The following GARNL3 variants were observed in gnomAD, a reference collection of about 807,000 sequenced individuals.
GARNL3 encodes GTPase-activating Rap/Ran-GAP domain-like protein 3.
Under a neutral mutation model 125.0 loss-of-function variants are expected in GARNL3, and 63 were observed. The ratio of observed to expected loss-of-function variants is 0.50; its 90% CI spans 0.41 to 0.62. The LOEUF is 0.62. Among genes scored for constraint, GARNL3 ranks in the 20% least tolerant of loss-of-function variants. The pLI is 0.00. For synonymous variants in GARNL3, 439 were observed against 457.5 expected, an observed-to-expected ratio of 0.96 and a Z score of 0.52; for missense variants, 994 against 1,244.0, an observed-to-expected ratio of 0.80 and a Z score of 3.02.
At chr9:127,355,048 C>T (rs1830614159) in intron 19 of GARNL3, among the ~76,000 whole-genome samples, 1 of 152,224 alleles carries the variant, frequency 6.6e-6, no homozygotes, top group African/African-American at 2.4e-5. Context: ...CCGCCTCGGC[C>T]TCTCTAAGTG....
chr9:127,269,466 T>G (rs527404599), intron 1 of GARNL3, among the ~76,000 whole-genome samples: 7 of 152,382 alleles, frequency 4.6e-5, no homozygotes, highest in African/African-American at 1.4e-4. Flanking sequence ...AAGGTGATTC[T>G]GTTTTTAGCT....
chr9:127,357,177 CT>C, intron 20 of GARNL3, 41 bp from the exon 21 acceptor site: 1 of 1,605,732 alleles, frequency 6.2e-7, no homozygotes, highest in Non-Finnish European at 8.5e-7. Flanking sequence ...GCTGGCTGCT[CT>C]GTTCTCACCC....
chr9:127,354,251 C>T (rs755950116), intron 18 of GARNL3, 43 bp from the exon 19 acceptor site: 2 of 1,507,702 alleles, frequency 1.3e-6, no homozygotes, highest in South Asian at 1.1e-5. Flanking sequence ...GGTTACCTTA[C>T]TTTTCCATTT....
intron 1 of GARNL3, among the ~76,000 whole-genome samples, chr9:127,278,229 T>TTAGTACACTATTTAGTAC (rs2064008788): frequency 2.0e-5 from 3 of 152,236 alleles, no homozygotes; most frequent in Admixed American, 2.0e-4. Flanking sequence ...TAATCACTAT[T>TTAGTACACTATTTAGTAC]ACGATTTAGT....
intron 18 of GARNL3, 39 bp downstream of exon 18, chr9:127,353,983 A>T: frequency 7.3e-7 from 1 of 1,365,268 alleles, no homozygotes. Flanking sequence ...TGGAGGAAGG[A>T]AAACAGTTGC....
intron 16 of GARNL3, among the ~76,000 whole-genome samples, chr9:127,346,440 T>G (rs1830143651): frequency 6.6e-6 from 1 of 152,158 alleles, no homozygotes; most frequent in African/African-American, 2.4e-5. Context: ...ACAACCAACT[T>G]CAGACAAGAC....
At chr9:127,300,805 T>C (rs1239759449) in intron 2 of GARNL3, 1 of 384,200 alleles carries the variant, frequency 2.6e-6, no homozygotes, top group Non-Finnish European at 5.0e-6. Flanking sequence ...TTTGGAAAAT[T>C]CTTCTCTAAC....
intron 24 of GARNL3, 58 bp from the exon 25 acceptor site, chr9:127,387,135 A>G (rs1564202649): frequency 1.3e-6 from 2 of 1,553,186 alleles, no homozygotes; most frequent in Admixed American, 1.8e-5. Flanking sequence ...CAGGAGGGCC[A>G]GTGGATGCAA....
intron 12 of GARNL3, 26 bp downstream of exon 12, chr9:127,338,187 C>T (rs759881411): frequency 7.1e-5 from 111 of 1,553,656 alleles, no homozygotes; most frequent in Non-Finnish European, 9.2e-5. Context: ...GTCTCGATTG[C>T]TTGTCCTAAT....
intron 2 of GARNL3, chr9:127,300,144 GT>G: frequency 3.1e-6 from 1 of 323,258 alleles, no homozygotes; most frequent in Non-Finnish European, 6.2e-6. Flanking sequence ...CCTCTGGCCA[GT>G]TTTCCTGAAT....
intron 17 of GARNL3, among the ~76,000 whole-genome samples, chr9:127,349,419 A>G (rs1253558548): frequency 6.6e-6 from 1 of 152,230 alleles, no homozygotes; most frequent in Non-Finnish European, 1.5e-5. Context: ...TCTTAAAAAA[A>G]AAAAAAAGAT....
chr9:127,245,866 T>C (rs2063293047), intron 2 of GARNL3, among the ~76,000 whole-genome samples: 1 of 152,044 alleles, frequency 6.6e-6, no homozygotes, highest in Admixed American at 6.6e-5. Context: ...GTCTGTCTGG[T>C]CCAGTGCCCA....
rs769891379 is a variant in GARNL3 at position 127,383,458 on chromosome 9, G to A, written c.2182G>A (p.Val728Ile). The A allele has an allele frequency of 3.1e-6, 5 of 1,612,362 alleles. No homozygotes were observed. The highest frequency in any genetic ancestry group is 1.7e-6 in the Non-Finnish European group (2 of 1,179,104). ...TGCAGACAGTTGCATCTATAAAAAG[G>A]TTTGCCCCTTTAATGGTGGCTCTTT... ...CYNYSCIYKK[V>I]CPFNGGSFLV... The change falls in exon 23 of 28, where the codon GTT becomes ATT. Residue 728 changes from valine (V) to isoleucine (I), a missense_variant. Physicochemically the swap from Val to Ile is conservative, Grantham distance 29 (BLOSUM62 3). Coordinates refer to ENST00000373387, the MANE Select transcript of GARNL3 (RefSeq NM_032293.5).
At chr9:127,286,498 TTC>T (rs2064252097) in intron 1 of GARNL3, among the ~76,000 whole-genome samples, 1 of 152,218 alleles carries the variant, frequency 6.6e-6, no homozygotes, top group African/African-American at 2.4e-5. Flanking sequence ...CCCAGATATG[TTC>T]TCTGTTTTTC....
In GARNL3 at chr9:127,295,811, A is replaced by G. The variant is rs373732539; in HGVS notation, c.219+4569A>G. On this transcript the variant is annotated intron_variant, in intron 2 of 27. Coordinates refer to ENST00000373387, the MANE Select transcript of GARNL3 (RefSeq NM_032293.5). ...CCAGGGACCAGTTTTGTGGAAGACA[A>G]GTTTTTCCACGGACCAGGCAGTGGG... 2.6e-5 allele frequency among the ~76,000 whole-genome samples: 4 copies of G among 152,114 alleles called. No homozygotes were observed. The East Asian group carries it at 7.7e-4, about 29-fold the overall frequency.
chr9:127,241,234 T>C (rs2063198044), intron 1 of GARNL3, among the ~76,000 whole-genome samples: 2 of 152,234 alleles, frequency 1.3e-5, no homozygotes, highest in South Asian at 4.1e-4. Context: ...TTGAGAGCAC[T>C]GCTTAATAAA....
At chr9:127,376,443 C>T (rs997250276) in intron 22 of GARNL3, among the ~76,000 whole-genome samples, 1 of 152,142 alleles carries the variant, frequency 6.6e-6, no homozygotes, top group African/African-American at 2.4e-5. Context: ...TGGTCTCGAT[C>T]TCCTGACCTA....
Position 127,243,000 on chromosome 9 carries a change from G to C in GARNL3, c.-28-79G>C, listed in dbSNP as rs1395413933. 24 of 1,205,788 alleles carry C rather than the reference G, an allele frequency of 2.0e-5. No individual in the cohort carries two copies. The highest frequency in any genetic ancestry group is 2.6e-5 in the Non-Finnish European group (24 of 923,878). 74.7% of individuals were successfully genotyped at this position (1,205,788 alleles called of 1,614,324 possible). On this transcript the variant is annotated intron_variant, in intron 1 of 10. Coordinates refer to the GARNL3 transcript ENST00000439286. This position sits in a 1 kb window ranked among gnomAD's most constrained non-coding sequence, Gnocchi z 4.6. Reference sequence around the variant, plus strand: ...TGCTTACCAGCGGGGCTGCCTTTGGGAGGAGGGTAAAGCAGGCCAGGGATT... The same window carrying C: ...TGCTTACCAGCGGGGCTGCCTTTGGCAGGAGGGTAAAGCAGGCCAGGGATT...
intron 21 of GARNL3, among the ~76,000 whole-genome samples, chr9:127,360,121 T>C (rs539479070): frequency 2.1e-4 from 32 of 152,188 alleles, no homozygotes; most frequent in Non-Finnish European, 3.7e-4. Flanking sequence ...CCCTGGTTCA[T>C]GCGATTCTCC....
Sources: allele counts gnomAD v4.1 joint callset (sites outside exome capture counted in the v4.1 genomes callset), GRCh38; gene constraint gnomAD v4.1.1; non-coding constraint Gnocchi (gnomAD v3.1); transcripts MANE v1.5; gene names NCBI Gene and HGNC (gene_info 2026-07-23, HGNC 2026-07-21).